The following OMA1 variants were observed in gnomAD, a reference collection of about 807,000 sequenced individuals.
The protein encoded by OMA1 is metalloendopeptidase OMA1, mitochondrial.
OMA1 carries 38 observed loss-of-function variants against 30.9 expected under a neutral mutation model. That is an observed-to-expected ratio of 1.23 (90% CI 0.95 to 1.61). The LOEUF (loss-of-function observed/expected upper bound fraction) is 1.61, where lower values mean the gene tolerates loss of function less well. OMA1 is among the 40% of genes most tolerant of loss of function. The pLI, the probability that OMA1 is intolerant of heterozygous loss-of-function variation, is 0.00. For synonymous variants in OMA1, 173 were observed against 121.9 expected (o/e 1.42, Z -2.76); for missense variants, 461 against 349.2 (o/e 1.32, Z -2.55).
At chr1:58,501,072 G>A (rs1235213853) in intron 8 of OMA1, among the ~76,000 whole-genome samples, 4 of 152,096 alleles carry the variant, frequency 2.6e-5, no homozygotes, top group Admixed American at 6.6e-5. Flanking sequence ...AAAATATGTG[G>A]AATATGTGTT....
chr1:58,529,848 G>A lies in OMA1; in HGVS notation c.1140+753C>T, dbSNP rs531072425. Among the ~76,000 whole-genome samples, 9 of 152,124 alleles carry A rather than the reference G, an allele frequency of 5.9e-5. No individual in the cohort carries two copies. In the South Asian group the frequency reaches 8.3e-4, roughly 14 times the overall value. The stretch of plus-strand genomic sequence containing the variant: ...TGATTTAAAGTATATGAGAGGATGT[G>A]CATAGTTACATGCAAACACCATGCT... On this transcript the variant is annotated intron_variant, in intron 6 of 8. Transcript: ENST00000371226.
chr1:58,521,387 C>T (rs1173336452), intron 7 of OMA1, among the ~76,000 whole-genome samples: 6 of 149,000 alleles, frequency 4.0e-5, no homozygotes, highest in Non-Finnish European at 8.9e-5. Context: ...AGGGAAAGAA[C>T]CACATATGAA....
At chr1:58,493,115 C>A (rs1323865473) in intron 8 of OMA1, among the ~76,000 whole-genome samples, 4 of 152,058 alleles carry the variant, frequency 2.6e-5, no homozygotes, top group Non-Finnish European at 4.4e-5. Context: ...GTTCAACATA[C>A]GCAAATCAAT....
intron 7 of OMA1, among the ~76,000 whole-genome samples, chr1:58,525,282 A>G (rs77507461): frequency 0.12 from 17,656 of 152,084 alleles, 1,221 homozygotes; most frequent in African/African-American, 0.18. Flanking sequence ...GCACATTTCC[A>G]AAAAACCTTC....
intron 8 of OMA1, among the ~76,000 whole-genome samples, chr1:58,499,304 C>T (rs1481872616): frequency 8.6e-6 from 1 of 116,746 alleles, no homozygotes; most frequent in African/African-American, 3.5e-5. Flanking sequence ...ACAGCAAGAC[C>T]ACATCTCTAC....
intron 2 of OMA1, among the ~76,000 whole-genome samples, chr1:58,538,180 T>C (rs1646547369): frequency 6.6e-6 from 1 of 152,202 alleles, no homozygotes; most frequent in African/African-American, 2.4e-5. Flanking sequence ...ATTAGCTTTC[T>C]TCCATCTTCA....
At chr1:58,494,439 G>A (rs1018026348) in intron 8 of OMA1, among the ~76,000 whole-genome samples, 1 of 152,122 alleles carries the variant, frequency 6.6e-6, no homozygotes, top group Non-Finnish European at 1.5e-5. Context: ...AAACTAAAGA[G>A]CTTCTGCACA....
intron 8 of OMA1, among the ~76,000 whole-genome samples, chr1:58,493,924 G>A (rs531990726): frequency 2.4e-4 from 36 of 147,190 alleles, no homozygotes; most frequent in African/African-American, 9.0e-4. Context: ...CTACTTTAAA[G>A]TTCATATGGT....
At chr1:58,514,317 T>C (rs1325068462) in intron 7 of OMA1, among the ~76,000 whole-genome samples, 1 of 152,362 alleles carries the variant, frequency 6.6e-6, no homozygotes, top group Non-Finnish European at 1.5e-5. Flanking sequence ...AAATTGTTCT[T>C]ATAATTTCAC....
chr1:58,492,090 A>G (rs1255298852), intron 8 of OMA1, among the ~76,000 whole-genome samples: 5 of 152,266 alleles, frequency 3.3e-5, no homozygotes, highest in African/African-American at 1.2e-4. Context: ...CAATCAAACT[A>G]GAACTCAGGA....
chr1:58,499,519 T>C (rs1234596360), intron 8 of OMA1, among the ~76,000 whole-genome samples: 2 of 151,940 alleles, frequency 1.3e-5, no homozygotes, highest in Non-Finnish European at 2.9e-5. Flanking sequence ...AATAGATAGA[T>C]AGATAGATAT....
At chr1:58,488,459 CTT>C (rs529647379) in intron 8 of OMA1, among the ~76,000 whole-genome samples, 2 of 151,086 alleles carry the variant, frequency 1.3e-5, no homozygotes, top group African/African-American at 4.9e-5. Flanking sequence ...AATGTGTAGT[CTT>C]TTTTTTTGAG....
intron 7 of OMA1, among the ~76,000 whole-genome samples, chr1:58,513,930 G>A (rs924517258): frequency 2.0e-5 from 3 of 152,182 alleles, no homozygotes; most frequent in African/African-American, 7.2e-5. Context: ...GTAGTCTGGT[G>A]ACAGAGTTTT....
At chr1:58,495,053 A>G (rs1169462309) in intron 8 of OMA1, among the ~76,000 whole-genome samples, 1 of 152,230 alleles carries the variant, frequency 6.6e-6, no homozygotes, top group Non-Finnish European at 1.5e-5. Flanking sequence ...GATTAAGAAA[A>G]TGTGGCACAT....
At chr1:58,516,151 T>A (rs72672225) in intron 7 of OMA1, among the ~76,000 whole-genome samples, 7,344 of 152,194 alleles carry the variant, frequency 0.048, 221 homozygotes, top group African/African-American at 0.063. Flanking sequence ...ACATTAAACA[T>A]CAATAATTCC....
intron 7 of OMA1, among the ~76,000 whole-genome samples, chr1:58,522,517 T>C (rs1172431051): frequency 6.6e-6 from 1 of 152,160 alleles, no homozygotes; most frequent in Non-Finnish European, 1.5e-5. Context: ...AGATACAAAG[T>C]TGCCCATCAC....
chr1:58,540,583 G>C (rs1253813721), intron 1 of OMA1, among the ~76,000 whole-genome samples: 3 of 149,778 alleles, frequency 2.0e-5, no homozygotes, highest in Non-Finnish European at 4.4e-5. Flanking sequence ...CAAGAAAACT[G>C]TAAGAACTAA....
At chr1:58,485,153 A>G (rs1055129318) in intron 8 of OMA1, among the ~76,000 whole-genome samples, 1 of 146,994 alleles carries the variant, frequency 6.8e-6, no homozygotes, top group African/African-American at 2.5e-5. Flanking sequence ...GGACAGATGT[A>G]TAAGGGAAAT....
intron 1 of OMA1, among the ~76,000 whole-genome samples, chr1:58,540,485 C>A (rs182933861): frequency 6.6e-6 from 1 of 151,660 alleles, no homozygotes; most frequent in East Asian, 1.9e-4. Flanking sequence ...TGTAACTATA[C>A]TGCACATGTT....
Sources: allele counts gnomAD v4.1 joint callset (sites outside exome capture counted in the v4.1 genomes callset), GRCh38; gene constraint gnomAD v4.1.1; transcripts MANE v1.5; gene names NCBI Gene and HGNC (gene_info 2026-07-23, HGNC 2026-07-21).